PPFIA2: variants seen among roughly 807,000 people sequenced by gnomAD.
PPFIA2 encodes the protein liprin-alpha-2.
PPFIA2 carries 46 observed loss-of-function variants against 175.5 expected under a neutral mutation model. The observed-to-expected ratio is 0.26, with a 90% confidence interval of 0.21 to 0.34. PPFIA2 has a LOEUF of 0.34. PPFIA2 is among the 10% of genes least tolerant of loss of function. PPFIA2 has a pLI of 1.00. For synonymous variants in PPFIA2, 568 were observed against 511.4 expected (o/e 1.11, Z -1.49); for missense variants, 1,179 against 1,506.1 (o/e 0.78, Z 3.60).
intron 7 of PPFIA2, among the ~76,000 whole-genome samples, chr12:81,414,028 T>C (rs534822856): frequency 5.9e-5 from 9 of 151,748 alleles, no homozygotes; most frequent in Non-Finnish European, 1.0e-4. Flanking sequence ...ATTTAATCTT[T>C]CCAGTAACCT....
intron 3 of PPFIA2, among the ~76,000 whole-genome samples, chr12:81,737,133 G>A (rs1484515956): frequency 6.6e-6 from 1 of 151,686 alleles, no homozygotes; most frequent in African/African-American, 2.4e-5. Context: ...AAAAAAAACA[G>A]TGAAGATTTT....
chr12:81,539,283 G>A (rs2065864612), intron 4 of PPFIA2, among the ~76,000 whole-genome samples: 2 of 151,854 alleles, frequency 1.3e-5, no homozygotes, highest in Non-Finnish European at 2.9e-5. Flanking sequence ...GGAGAAATCT[G>A]GGCAGGAAAT....
chr12:81,552,542 G>C, intron 4 of PPFIA2, among the ~76,000 whole-genome samples: 1 of 151,868 alleles, frequency 6.6e-6, no homozygotes, highest in Non-Finnish European at 1.5e-5. Context: ...TAGTATCTAA[G>C]TTATCAATCA....
At chr12:81,745,770 G>A (rs1276733097) in intron 3 of PPFIA2, among the ~76,000 whole-genome samples, 4 of 152,062 alleles carry the variant, frequency 2.6e-5, no homozygotes, top group African/African-American at 9.7e-5. Flanking sequence ...TGCTATATGG[G>A]CATCCACAGC....
intron 8 of PPFIA2, 45 bp downstream of exon 8, chr12:81,405,742 A>T (rs1356140686): frequency 9.3e-7 from 1 of 1,071,480 alleles, no homozygotes; most frequent in Admixed American, 2.8e-5. Context: ...CAAATGATAT[A>T]AGAAGTAAAC....
intron 4 of PPFIA2, among the ~76,000 whole-genome samples, chr12:81,593,333 T>G (rs2058888901): frequency 6.6e-6 from 1 of 152,198 alleles, no homozygotes; most frequent in African/African-American, 2.4e-5. Context: ...TTACATATTT[T>G]TAATAATCTT....
At chr12:81,665,505 G>A (rs1227428976) in intron 4 of PPFIA2, among the ~76,000 whole-genome samples, 1 of 151,714 alleles carries the variant, frequency 6.6e-6, no homozygotes, top group Non-Finnish European at 1.5e-5. Context: ...TTTGATTATG[G>A]AAAACTACAT....
chr12:81,567,023 G>T (rs530982496), intron 4 of PPFIA2, among the ~76,000 whole-genome samples: 3 of 152,260 alleles, frequency 2.0e-5, no homozygotes, highest in African/African-American at 7.2e-5. Context: ...ATAATAATTT[G>T]TCTGATCTTT....
Position 81,341,630 on chromosome 12 carries a change from C to A in PPFIA2, c.2263-422G>T, listed in dbSNP as rs555914331. 2.6e-5 allele frequency among the ~76,000 whole-genome samples: 4 copies of A among 152,046 alleles called. No homozygotes were observed. The South Asian group carries it at 6.2e-4, about 24-fold the overall frequency. On this transcript the variant is annotated intron_variant, in intron 19 of 32. Transcript: ENST00000549396. Reference sequence around the variant, plus strand: ...AGTGTTAGAGTAGTTTATGTGTGGCCCAAGACAATTCTTCTTCTAATGTAG... The same window carrying A: ...AGTGTTAGAGTAGTTTATGTGTGGCACAAGACAATTCTTCTTCTAATGTAG...
intron 4 of PPFIA2, among the ~76,000 whole-genome samples, chr12:81,616,928 T>C (rs921326230): frequency 1.3e-5 from 2 of 152,160 alleles, no homozygotes; most frequent in Non-Finnish European, 2.9e-5. Context: ...TGAATGCTGA[T>C]TGCATTATTA....
intron 9 of PPFIA2, among the ~76,000 whole-genome samples, chr12:81,382,010 A>G (rs568608825): frequency 6.6e-6 from 1 of 152,244 alleles, no homozygotes; most frequent in East Asian, 1.9e-4. Context: ...GTTTACGAAT[A>G]GTTGGGGTGG....
chr12:81,430,576 A>C (rs1337329205), intron 7 of PPFIA2: 2 of 136,532 alleles, frequency 1.5e-5, no homozygotes, highest in South Asian at 2.4e-4. Context: ...TTGCTATCTC[A>C]CTACTTCTAT....
chr12:81,451,029 A>G (rs1376008718), intron 5 of PPFIA2, among the ~76,000 whole-genome samples: 1 of 152,138 alleles, frequency 6.6e-6, no homozygotes, highest in East Asian at 1.9e-4. Context: ...AAGGTTTATA[A>G]TTGGAATTCA....
At chr12:81,553,661 G>T (rs1365464398) in intron 4 of PPFIA2, among the ~76,000 whole-genome samples, 1 of 152,068 alleles carries the variant, frequency 6.6e-6, no homozygotes, top group East Asian at 1.9e-4. Context: ...AGACATGTGA[G>T]TGAAGAAACC....
At chr12:81,566,566 A>C (rs1036167668) in intron 4 of PPFIA2, among the ~76,000 whole-genome samples, 12 of 151,936 alleles carry the variant, frequency 7.9e-5, no homozygotes, top group African/African-American at 1.7e-4. Flanking sequence ...AAGAAAAGAA[A>C]AAAAGAAAAG....
chr12:81,592,264 G>A (rs559408113), intron 4 of PPFIA2, among the ~76,000 whole-genome samples: 2 of 152,266 alleles, frequency 1.3e-5, no homozygotes, highest in South Asian at 4.1e-4. Flanking sequence ...TGATTTTACA[G>A]GCTCATAGGC....
At chr12:81,364,535 C>T (rs2032402771) in intron 14 of PPFIA2, among the ~76,000 whole-genome samples, 1 of 151,724 alleles carries the variant, frequency 6.6e-6, no homozygotes, top group Non-Finnish European at 1.5e-5. Flanking sequence ...TACAGGTGTG[C>T]ACCACTGCAC....
intron 4 of PPFIA2, chr12:81,512,474 G>T: frequency 2.3e-6 from 1 of 438,068 alleles, no homozygotes; most frequent in Non-Finnish European, 3.4e-6. Context: ...TAACTCATTA[G>T]TTTTTATTGC....
intron 16 of PPFIA2, among the ~76,000 whole-genome samples, chr12:81,354,968 A>G (rs1179798512): frequency 6.6e-6 from 1 of 152,106 alleles, no homozygotes; most frequent in African/African-American, 2.4e-5. Flanking sequence ...ACCTTCTCCC[A>G]TGAGTCATAA....
Sources: allele counts gnomAD v4.1 joint callset (sites outside exome capture counted in the v4.1 genomes callset), GRCh38; gene constraint gnomAD v4.1.1; transcripts MANE v1.5; gene names NCBI Gene and HGNC (gene_info 2026-07-23, HGNC 2026-07-21).